Variants in SUGCT observed in about 807,000 individuals in gnomAD.
SUGCT encodes succinyl-CoA:glutarate-CoA transferase.
Under a neutral mutation model 55.0 loss-of-function variants are expected in SUGCT, and 41 were observed. The ratio of observed to expected loss-of-function variants is 0.74; its 90% CI spans 0.58 to 0.97. The LOEUF (loss-of-function observed/expected upper bound fraction) is 0.97, where lower values mean the gene tolerates loss of function less well. Ranked by LOEUF, SUGCT falls within the 50% of genes least tolerant of loss-of-function variation. The pLI is 0.00. For missense variants in SUGCT, 568 were observed against 547.8 expected, an observed-to-expected ratio of 1.04 and a Z score of -0.37; for synonymous variants, 187 against 200.4, an observed-to-expected ratio of 0.93 and a Z score of 0.56.
intron 6 of SUGCT, among the ~76,000 whole-genome samples, chr7:40,236,353 G>A (rs1318758369): frequency 1.4e-5 from 2 of 145,508 alleles, no homozygotes; most frequent in Non-Finnish European, 3.0e-5. Flanking sequence ...CGCCTGGCCT[G>A]ATACAACTTT....
chr7:40,973,094 T>C, the SUGCT span, among the ~76,000 whole-genome samples: 1 of 152,048 alleles, frequency 6.6e-6, no homozygotes, highest in African/African-American at 2.4e-5. Flanking sequence ...AAGCTGAAAA[T>C]AGATTGCTTG....
At chr7:40,314,147 T>C (rs1426461295) in intron 8 of SUGCT, among the ~76,000 whole-genome samples, 1 of 152,152 alleles carries the variant, frequency 6.6e-6, no homozygotes, top group African/African-American at 2.4e-5. Context: ...GGGTAAGGAA[T>C]GAGGCAGCCA....
At chr7:40,268,902 G>A (rs1193753544) in intron 7 of SUGCT, among the ~76,000 whole-genome samples, 1 of 152,174 alleles carries the variant, frequency 6.6e-6, no homozygotes, top group East Asian at 1.9e-4. Flanking sequence ...CTCCCAAAGT[G>A]CTGGGATTAC....
At chr7:40,325,685 A>G (rs1302968384) in intron 9 of SUGCT, among the ~76,000 whole-genome samples, 2 of 152,152 alleles carry the variant, frequency 1.3e-5, no homozygotes, top group Non-Finnish European at 2.9e-5. Flanking sequence ...GCGTGCCGGT[A>G]ATCCCAGCTA....
At chr7:40,175,427 C>T (rs1312495439) in intron 1 of SUGCT, among the ~76,000 whole-genome samples, 1 of 152,144 alleles carries the variant, frequency 6.6e-6, no homozygotes, top group African/African-American at 2.4e-5. Context: ...GCCATGCTGG[C>T]CAGGCTGGTC....
intron 1 of SUGCT, among the ~76,000 whole-genome samples, chr7:40,135,854 G>T (rs1236642518): frequency 6.6e-6 from 1 of 152,020 alleles, no homozygotes; most frequent in Non-Finnish European, 1.5e-5. Context: ...ACGGGGTTTC[G>T]CCATATTGGC....
rs1785694270 is a variant in SUGCT at position 40,188,582 on chromosome 7, TA to T, written c.312+4del. 1 of 1,591,066 alleles carries T rather than the reference TA, an allele frequency of 6.3e-7. No homozygotes were observed. Among genetic ancestry groups the T allele is most frequent in the Admixed American group, 1.8e-5 (1 of 56,462 alleles). On this transcript the variant is annotated splice_donor_region_variant and intron_variant, in intron 4 of 13. Coordinates refer to ENST00000335693, the MANE Select transcript of SUGCT (RefSeq NM_001193313.2). ...CTCAGTGTTAACCGAAATAAAAAAG[TA>T]AGAATATCATCCCTTTTTTGCTTTT...
rs199622270 is a variant in SUGCT at position 40,288,292 on chromosome 7, TA to T, written c.720+13646del. The stretch of plus-strand genomic sequence containing the variant: ...TTTGGTAGAATTCATCATTGAAGCT[TA>T]AAAAAAAAAGAAAACAAAGCCTGGG... On this transcript the variant is annotated intron_variant, in intron 8 of 13. Coordinates refer to ENST00000335693, the MANE Select transcript of SUGCT (RefSeq NM_001193313.2). 4.9e-3 allele frequency among the ~76,000 whole-genome samples: 736 copies of T among 148,794 alleles called. 1 individual carries two copies. Among genetic ancestry groups the T allele is most frequent in the African/African-American group, 0.017 (695 of 40,584 alleles).
At chr7:40,889,224 G>T in the SUGCT span, among the ~76,000 whole-genome samples, 2 of 152,126 alleles carry the variant, frequency 1.3e-5, no homozygotes, top group African/African-American at 2.4e-5. Flanking sequence ...TGGCTGTCAT[G>T]GCTCTCAAGG....
At chr7:40,600,392 G>T (rs1367174524) in intron 12 of SUGCT, among the ~76,000 whole-genome samples, 1 of 152,186 alleles carries the variant, frequency 6.6e-6, no homozygotes, top group Non-Finnish European at 1.5e-5. Flanking sequence ...CTAGATGAAT[G>T]GGTTACCAGG....
chr7:40,468,734 G>A (rs1031697344), intron 11 of SUGCT, among the ~76,000 whole-genome samples: 2 of 152,028 alleles, frequency 1.3e-5, no homozygotes, highest in African/African-American at 4.8e-5. Context: ...GGGGAGTGGG[G>A]GTGGGTTAAA....
intron 9 of SUGCT, among the ~76,000 whole-genome samples, chr7:40,335,314 A>G (rs1380819693): frequency 6.6e-6 from 1 of 152,010 alleles, no homozygotes; most frequent in Non-Finnish European, 1.5e-5. Flanking sequence ...TGGGGATGGC[A>G]TTGAATCTAT....
At chr7:40,331,813 G>T (rs1276847579) in intron 9 of SUGCT, among the ~76,000 whole-genome samples, 2 of 152,200 alleles carry the variant, frequency 1.3e-5, no homozygotes, top group African/African-American at 4.8e-5. Flanking sequence ...TCCTAGAACA[G>T]TAACTGGGAG....
chr7:40,377,216 T>C, intron 9 of SUGCT, among the ~76,000 whole-genome samples: 1 of 20,504 alleles, frequency 4.9e-5, no homozygotes, highest in African/African-American at 8.6e-5. Flanking sequence ...TTCTTTTCTT[T>C]CTTTTCTTTC....
At chr7:40,444,879 T>C (rs1308311263) in intron 9 of SUGCT, among the ~76,000 whole-genome samples, 2 of 152,204 alleles carry the variant, frequency 1.3e-5, no homozygotes, top group African/African-American at 4.8e-5. Flanking sequence ...ATACCTCTTA[T>C]TATTTTGAGA....
chr7:40,262,623 C>T (rs182969541), intron 7 of SUGCT, among the ~76,000 whole-genome samples: 1,597 of 151,598 alleles, frequency 0.011, 20 homozygotes, highest in African/African-American at 0.036. Flanking sequence ...CGAGATCGTA[C>T]CACTGCACTC....
At chr7:41,034,065 C>G in the SUGCT span, among the ~76,000 whole-genome samples, 1 of 152,148 alleles carries the variant, frequency 6.6e-6, no homozygotes, top group Non-Finnish European at 1.5e-5. Flanking sequence ...GTATTAGTAT[C>G]AAACTGTTTT....
At chr7:40,327,096 A>G (rs1162685693) in intron 9 of SUGCT, among the ~76,000 whole-genome samples, 2 of 152,198 alleles carry the variant, frequency 1.3e-5, no homozygotes, top group Admixed American at 6.5e-5. Context: ...ATGAGTTAGA[A>G]TATTCAAAAG....
At position 40,722,593 on chromosome 7, in the gene SUGCT, A is replaced by G. The variant is rs1419694795; in HGVS notation, c.1090-26841A>G. ...GCTGTTTTCAAATCACATTTGGCTC[A>G]GACAGAAAATGGAGTGAGCCTTCTA... On this transcript the variant is annotated intron_variant, in intron 12 of 13. Coordinates refer to ENST00000335693, the MANE Select transcript of SUGCT (RefSeq NM_001193313.2). Among the ~76,000 whole-genome samples the G allele has an allele frequency of 4.6e-5, 7 of 152,350 alleles. No homozygotes were observed. In the South Asian group the frequency reaches 1.4e-3, roughly 32 times the overall value.
Sources: allele counts gnomAD v4.1 joint callset (sites outside exome capture counted in the v4.1 genomes callset), GRCh38; gene constraint gnomAD v4.1.1; transcripts MANE v1.5; gene names NCBI Gene and HGNC (gene_info 2026-07-23, HGNC 2026-07-21).